Variants in HERC3 observed in about 807,000 individuals in gnomAD.
The protein encoded by HERC3 is probable E3 ubiquitin-protein ligase HERC3.
In HERC3, 58 loss-of-function variants were observed where a neutral mutation model predicts 129.9. The observed-to-expected ratio is 0.45, with a 90% CI of 0.36 to 0.56. The LOEUF (loss-of-function observed/expected upper bound fraction) is 0.56, where lower values mean the gene tolerates loss of function less well. HERC3 is among the 20% of genes least tolerant of loss of function. The pLI is 0.00. For missense variants in HERC3, 835 were observed against 1,244.2 expected (o/e 0.67, Z 4.95); for synonymous variants, 430 against 451.0 (o/e 0.95, Z 0.59).
chr4:88,545,617 G>T, the HERC3 span, among the ~76,000 whole-genome samples: 1 of 151,630 alleles, frequency 6.6e-6, no homozygotes, highest in Non-Finnish European at 1.5e-5. Flanking sequence ...TTAGAGACAG[G>T]ATCTCGCTAT....
At chr4:88,594,922 T>C (rs1722174361) in intron 1 of HERC3, among the ~76,000 whole-genome samples, 1 of 151,656 alleles carries the variant, frequency 6.6e-6, no homozygotes, top group Admixed American at 6.6e-5. Context: ...ACCAACATGG[T>C]GAAACCCCTT....
the HERC3 span, among the ~76,000 whole-genome samples, chr4:88,555,703 TTTAC>T: frequency 1.3e-5 from 2 of 152,218 alleles, no homozygotes; most frequent in Middle Eastern, 3.2e-3. Flanking sequence ...TAAATTAAAA[TTTAC>T]TTACTATTTT....
chr4:88,593,093 G>C (rs1415165698), intron 1 of HERC3, among the ~76,000 whole-genome samples: 1 of 152,148 alleles, frequency 6.6e-6, no homozygotes, highest in African/African-American at 2.4e-5. Flanking sequence ...CAGCGGCCGC[G>C]AGGAGTTTGC....
chr4:88,658,200 G>C (rs1730123885), intron 9 of HERC3: 3 of 358,732 alleles, frequency 8.4e-6, no homozygotes, highest in Non-Finnish European at 1.5e-5. Flanking sequence ...GGCAGAAGAA[G>C]AGTTAGAGTG....
chr4:88,707,105 T>A lies in HERC3; in HGVS notation c.*145T>A, dbSNP rs2149354536. 1 of 687,210 alleles carries A rather than the reference T, an allele frequency of 1.5e-6. No homozygotes were observed. The highest frequency in any genetic ancestry group is 2.7e-5 in the East Asian group (1 of 36,734). 42.6% of individuals were successfully genotyped at this position (687,210 alleles called of 1,614,324 possible). ...ATACTGAGCCTGGTTGATGTGTTTC[T>A]GGGATTGTATAGCAGTAAACAACCT... On this transcript the variant is annotated 3_prime_UTR_variant, in exon 26 of 26. Coordinates refer to ENST00000402738, the MANE Select transcript of HERC3 (RefSeq NM_014606.3).
At chr4:88,580,711 C>T in the HERC3 span, among the ~76,000 whole-genome samples, 1 of 152,190 alleles carries the variant, frequency 6.6e-6, no homozygotes. Flanking sequence ...ATGATGCTTA[C>T]ATCCTTTAGT....
chr4:88,621,675 A>G (rs558824773), intron 3 of HERC3, among the ~76,000 whole-genome samples: 70 of 152,346 alleles, frequency 4.6e-4, no homozygotes, highest in African/African-American at 1.5e-3. Context: ...GGAGAAAGAA[A>G]GGTCACCCCT....
the HERC3 span, among the ~76,000 whole-genome samples, chr4:88,546,731 A>G: frequency 2.0e-5 from 3 of 152,194 alleles, no homozygotes; most frequent in South Asian, 6.2e-4. Flanking sequence ...ATATGGCTCA[A>G]TTGTGCAGAT....
the HERC3 span, among the ~76,000 whole-genome samples, chr4:88,566,628 C>G: frequency 6.6e-6 from 1 of 152,152 alleles, no homozygotes; most frequent in African/African-American, 2.4e-5. Flanking sequence ...TGTTAACATC[C>G]TTTTCTCTCC....
chr4:88,646,354 T>C (rs1465936758), intron 3 of HERC3, among the ~76,000 whole-genome samples: 1 of 152,180 alleles, frequency 6.6e-6, no homozygotes, highest in East Asian at 1.9e-4. Flanking sequence ...ATAATGCAAG[T>C]CCAGCTGAAC....
chr4:88,586,486 G>A, the HERC3 span, among the ~76,000 whole-genome samples: 4 of 151,758 alleles, frequency 2.6e-5, no homozygotes, highest in Non-Finnish European at 4.4e-5. Flanking sequence ...AGCCTCCTGA[G>A]TAGCTGGGAT....
chr4:88,568,316 C>G, the HERC3 span, among the ~76,000 whole-genome samples: 1 of 152,012 alleles, frequency 6.6e-6, no homozygotes, highest in Non-Finnish European at 1.5e-5. Flanking sequence ...AAGGGCTCTT[C>G]AGTTAGCAGG....
At chr4:88,527,184 T>A in the HERC3 span, 1 of 152,200 alleles carries the variant, frequency 6.6e-6, no homozygotes, top group African/African-American at 2.4e-5. Context: ...CTTGAAATTA[T>A]GGAAGTATGT....
chr4:88,575,693 A>C, the HERC3 span, among the ~76,000 whole-genome samples: 8 of 152,360 alleles, frequency 5.3e-5, no homozygotes, highest in Non-Finnish European at 7.3e-5. Flanking sequence ...TTAACTTATC[A>C]CTATCAATTG....
intron 2 of HERC3, among the ~76,000 whole-genome samples, chr4:88,596,860 T>C (rs998563489): frequency 2.6e-5 from 4 of 152,246 alleles, no homozygotes; most frequent in Admixed American, 2.6e-4. Context: ...CTTCATAGCT[T>C]TGTTACCACT....
rs963684966 is a variant in HERC3 at position 88,683,017 on chromosome 4, G to A, written c.2507+1692G>A. Among the ~76,000 whole-genome samples the A allele has an allele frequency of 3.0e-4, 46 of 152,258 alleles. 1 individual carries two copies. Among genetic ancestry groups the A allele is most frequent in the African/African-American group, 8.7e-4 (36 of 41,534 alleles). ...ATGACTTTTTAATGATCGCCATTCT[G>A]ACTGGTGTGAGATGGTATCTCATTG... On this transcript the variant is annotated intron_variant, in intron 21 of 25. Transcript: ENST00000402738.
the HERC3 span, among the ~76,000 whole-genome samples, chr4:88,572,798 A>ACT: frequency 0.27 from 39,898 of 145,710 alleles, 9,638 homozygotes; most frequent in African/African-American, 0.65. Flanking sequence ...ATAGAGCAAG[A>ACT]CTGTCTCAAA....
intron 11 of HERC3, 35 bp from the exon 12 acceptor site, chr4:88,664,118 T>G: frequency 6.3e-7 from 1 of 1,578,204 alleles, no homozygotes; most frequent in Non-Finnish European, 8.7e-7. Flanking sequence ...TTGTAATTAT[T>G]AAAGGCTTCC....
intron 23 of HERC3, among the ~76,000 whole-genome samples, chr4:88,703,881 G>A (rs375375280): frequency 6.6e-6 from 1 of 152,158 alleles, no homozygotes; most frequent in East Asian, 1.9e-4. Context: ...GGCTTATCCT[G>A]CCTTGGATCA....
Sources: gnomAD v4.1 joint callset for allele counts (sites outside exome capture counted in the v4.1 genomes callset) on GRCh38, gnomAD v4.1.1 for gene constraint, MANE v1.5 for transcripts, NCBI Gene and HGNC (gene_info 2026-07-23, HGNC 2026-07-21) for gene names.